BMAL1: variants seen among roughly 807,000 people sequenced by gnomAD.
BMAL1 encodes the protein basic helix-loop-helix ARNT-like protein 1.
chr11:13,355,110 C>T, the BMAL1 span: 171 of 865,332 alleles, frequency 2.0e-4, 1 homozygote, highest in African/African-American at 2.3e-3. Flanking sequence ...TTTGTTTTGC[C>T]GAAGCACCTG....
chr11:13,310,933 G>T, the BMAL1 span, among the ~76,000 whole-genome samples: 3 of 152,340 alleles, frequency 2.0e-5, no homozygotes, highest in Middle Eastern at 3.4e-3. Flanking sequence ...CCAGGCATGA[G>T]GTCTTGCGGT....
At chr11:13,366,031 CA>C in the BMAL1 span, among the ~76,000 whole-genome samples, 1 of 152,154 alleles carries the variant, frequency 6.6e-6, no homozygotes, top group Non-Finnish European at 1.5e-5. Flanking sequence ...CTTATAGGAT[CA>C]AATAAGAGTA....
chr11:13,281,474 CT>C, the BMAL1 span, among the ~76,000 whole-genome samples: 2 of 152,190 alleles, frequency 1.3e-5, no homozygotes, highest in South Asian at 4.1e-4. Context: ...TGGGGCCCAT[CT>C]GCCCATCCTT....
At chr11:13,305,124 C>A in the BMAL1 span, among the ~76,000 whole-genome samples, 1 of 152,172 alleles carries the variant, frequency 6.6e-6, no homozygotes, top group Non-Finnish European at 1.5e-5. Flanking sequence ...TTTTAATAGA[C>A]CATGATCTCA....
the BMAL1 span, among the ~76,000 whole-genome samples, chr11:13,300,534 G>C: frequency 6.6e-6 from 1 of 152,310 alleles, no homozygotes. Flanking sequence ...TGACTTGTTT[G>C]TTCCTGAGTG....
chr11:13,356,743 A>G, the BMAL1 span: 1 of 1,614,144 alleles, frequency 6.2e-7, no homozygotes, highest in South Asian at 1.1e-5. Flanking sequence ...TTTCAGAGAA[A>G]GCATGGACAC....
chr11:13,363,464 T>C, the BMAL1 span, among the ~76,000 whole-genome samples: 1 of 152,016 alleles, frequency 6.6e-6, no homozygotes, highest in Admixed American at 6.6e-5. Context: ...GGCTGTGAAA[T>C]ACTGTCCAGT....
chr11:13,284,585 G>A, the BMAL1 span, among the ~76,000 whole-genome samples: 1 of 151,410 alleles, frequency 6.6e-6, no homozygotes, highest in Non-Finnish European at 1.5e-5. Context: ...GCCATGGTGT[G>A]GTACTGTGAG....
chr11:13,379,650 A>G, the BMAL1 span: 2 of 152,246 alleles, frequency 1.3e-5, no homozygotes, highest in Non-Finnish European at 2.9e-5. Context: ...GGGAGGGTGC[A>G]TGGGCCAAAG....
At chr11:13,317,145 GTAT>G in the BMAL1 span, among the ~76,000 whole-genome samples, 1 of 152,136 alleles carries the variant, frequency 6.6e-6, no homozygotes, top group Non-Finnish European at 1.5e-5. Context: ...GTTTGTCAAA[GTAT>G]TATTGTTAAT....
At chr11:13,329,970 TG>T in the BMAL1 span, among the ~76,000 whole-genome samples, 192 of 152,338 alleles carry the variant, frequency 1.3e-3, 2 homozygotes, top group Admixed American at 2.6e-3. Context: ...AGTGCACTTC[TG>T]CTACCTGATT....
chr11:13,355,062 C>CT, the BMAL1 span: 1 of 555,420 alleles, frequency 1.8e-6, no homozygotes, highest in Non-Finnish European at 3.2e-6. Context: ...GTACAAACAC[C>CT]TAGGGAATAA....
the BMAL1 span, among the ~76,000 whole-genome samples, chr11:13,283,515 G>A: frequency 6.6e-6 from 1 of 151,934 alleles, no homozygotes; most frequent in African/African-American, 2.4e-5. Context: ...AGGTCACTCA[G>A]CTGTTATGGC....
chr11:13,386,877 C>A, the BMAL1 span: 1 of 1,204,136 alleles, frequency 8.3e-7, no homozygotes, highest in Non-Finnish European at 1.1e-6. Flanking sequence ...TTCATAAAAG[C>A]CATCTCAGAG....
the BMAL1 span, among the ~76,000 whole-genome samples, chr11:13,386,163 A>G: frequency 1.3e-5 from 2 of 152,238 alleles, no homozygotes; most frequent in Non-Finnish European, 1.5e-5. Context: ...TGCTTTTCCC[A>G]TCACATCCAT....
the BMAL1 span, among the ~76,000 whole-genome samples, chr11:13,368,004 CTCCT>C: frequency 6.6e-6 from 1 of 152,246 alleles, no homozygotes; most frequent in Non-Finnish European, 1.5e-5. Flanking sequence ...ACCAGATAAT[CTCCT>C]TCAAGTCATC....
chr11:13,372,530 C>G, the BMAL1 span: 1 of 1,461,844 alleles, frequency 6.8e-7, no homozygotes, highest in Non-Finnish European at 9.2e-7. Flanking sequence ...AAAGAAAAAG[C>G]TGGGTGCAGT....
the BMAL1 span, among the ~76,000 whole-genome samples, chr11:13,360,794 C>G: frequency 6.6e-6 from 1 of 152,276 alleles, no homozygotes; most frequent in Admixed American, 6.5e-5. Flanking sequence ...ACCACTAGCA[C>G]AAAAAAGTCC....
the BMAL1 span, among the ~76,000 whole-genome samples, chr11:13,282,960 A>G: frequency 5.3e-5 from 8 of 152,206 alleles, no homozygotes; most frequent in Non-Finnish European, 1.2e-4. Context: ...CAACAGGGCC[A>G]TAAGTGGACA....
Sources: gnomAD v4.1 joint callset for allele counts (sites outside exome capture counted in the v4.1 genomes callset) on GRCh38, gnomAD v4.1.1 for gene constraint, MANE v1.5 for transcripts, NCBI Gene and HGNC (gene_info 2026-07-23, HGNC 2026-07-21) for gene names.